Variants in NDRG4 observed in about 807,000 individuals in gnomAD.
The protein encoded by NDRG4 is NDRG family member 4.
A neutral mutation model predicts 55.8 loss-of-function variants in NDRG4; 38 were observed. The ratio of observed to expected loss-of-function variants is 0.68; its 90% CI spans 0.53 to 0.89. NDRG4 has a LOEUF of 0.89. NDRG4 is among the 40% of genes least tolerant of loss of function. The pLI, the probability that NDRG4 is intolerant of heterozygous loss-of-function variation, is 0.00. For missense variants in NDRG4, 455 were observed against 468.6 expected (o/e 0.97, Z 0.27); for synonymous variants, 190 against 182.7 (o/e 1.04, Z -0.32).
At chr16:58,491,066 C>G (rs1235656493) in intron 2 of NDRG4, among the ~76,000 whole-genome samples, 1 of 152,108 alleles carries the variant, frequency 6.6e-6, no homozygotes, top group Non-Finnish European at 1.5e-5. Flanking sequence ...CACTTGAGGT[C>G]AGGAGTTCGA....
chr16:58,464,329 T>C lies in NDRG4; in HGVS notation c.-24+532T>C. Reference sequence around the variant, plus strand: ...GCTCCTGCCGCTTCGCTCCGCGCTCTCCTGCCGCTCCGCTCCGGGTCTCCC... The same window carrying C: ...GCTCCTGCCGCTTCGCTCCGCGCTCCCCTGCCGCTCCGCTCCGGGTCTCCC... On this transcript the variant is annotated intron_variant, in intron 1 of 15. Transcript: ENST00000258187. This position sits in a 1 kb window ranked among gnomAD's most constrained non-coding sequence, Gnocchi z 4.8. 9.2e-7 allele frequency: 1 copy of C among 1,084,448 alleles called. No individual in the cohort carries two copies. 67.2% of individuals were successfully genotyped at this position (1,084,448 alleles called of 1,614,324 possible). A position where few individuals can be genotyped will look rare whatever the true frequency, so the allele number is the denominator to read the frequency against.
At chr16:58,506,877 C>T (rs748235783) in intron 7 of NDRG4, 35 bp from the exon 8 acceptor site, 4 of 1,581,006 alleles carry the variant, frequency 2.5e-6, no homozygotes, top group Middle Eastern at 1.7e-4. Flanking sequence ...TCTGTCTGCC[C>T]CTCTGCATGC....
chr16:58,513,118 ATTT>A lies in NDRG4; in HGVS notation c.*1544_*1546del, dbSNP rs747304829. On this transcript the variant is annotated 3_prime_UTR_variant, in exon 15 of 15. Coordinates refer to ENST00000570248, the MANE Select transcript of NDRG4 (RefSeq NM_001242835.2). ...TGTAGATAACACTGCAAATCTTGGAATTTTGTTTTTTGCTGTTTCCAGATGTAT... is the reference window on the plus strand; with the variant it reads ...TGTAGATAACACTGCAAATCTTGGAATGTTTTTTGCTGTTTCCAGATGTAT... 6 of 151,778 alleles carry A rather than the reference ATTT, an allele frequency of 4.0e-5. No individual in the cohort carries two copies. The highest frequency in any genetic ancestry group is 7.4e-5 in the Non-Finnish European group (5 of 67,956). 9.4% of individuals were successfully genotyped at this position (151,778 alleles called of 1,614,324 possible).
intron 1 of NDRG4, among the ~76,000 whole-genome samples, chr16:58,468,279 T>G (rs1409151196): frequency 6.6e-6 from 1 of 152,140 alleles, no homozygotes; most frequent in Non-Finnish European, 1.5e-5. Context: ...CTCAGCGGGG[T>G]CTTGCTGCAA....
rs1424556650 is a variant in NDRG4 at position 58,507,813 on chromosome 16, G to A, written c.626G>A (p.Arg209Lys). ...CCCCTCCCCCTGCCCCACAGCCGCA[G>A]AGACCTGGACATTAACCGGCCTGGA... is the stretch of plus-strand genomic sequence containing the variant. ...QLFWNMYNSR[R>K]DLDINRPGTV... Residue 209 changes from arginine to lysine, a missense_variant, in exon 9 of 15, where the codon AGA becomes AAA. Coordinates refer to ENST00000570248, the MANE Select transcript of NDRG4 (RefSeq NM_001242835.2). 6.2e-7 allele frequency: 1 copy of A among 1,613,738 alleles called. No homozygotes were observed. Among genetic ancestry groups the A allele is most frequent in the Non-Finnish European group, 8.5e-7 (1 of 1,179,966 alleles).
In NDRG4 at chr16:58,505,713, C is replaced by CTTTTTTTTTTTTTTTTTTTT. The variant is rs1028370131; in HGVS notation, c.373-667_373-648dup. Among the ~76,000 whole-genome samples the CTTTTTTTTTTTTTTTTTTTT allele has an allele frequency of 3.1e-4, 18 of 58,658 alleles. 2 individuals carry two copies. The highest frequency in any genetic ancestry group is 1.4e-3 in the African/African-American group (18 of 13,050). 38.5% of individuals were successfully genotyped at this position (58,658 alleles called of 152,430 possible). A position where few individuals can be genotyped will look rare whatever the true frequency, so the allele number is the denominator to read the frequency against. On this transcript the variant is annotated intron_variant, in intron 5 of 14. Coordinates refer to ENST00000570248, the MANE Select transcript of NDRG4 (RefSeq NM_001242835.2). Reference sequence around the variant, plus strand: ...ATTTATATCATGAGGGCTTCATTTTCTTTTTTTTTTTTTTTTTTTTTTTTT... The same window carrying CTTTTTTTTTTTTTTTTTTTT: ...ATTTATATCATGAGGGCTTCATTTTCTTTTTTTTTTTTTTTTTTTTTTTTTTTTTTTTTTTTTTTTTTTTT...
At chr16:58,498,503 G>A (rs954347190), upstream of NDRG4, among the ~76,000 whole-genome samples, 2 of 152,230 alleles carry the variant, frequency 1.3e-5, no homozygotes, top group Non-Finnish European at 2.9e-5. Flanking sequence ...CAGCATGCAG[G>A]GCCATCAGCA....
At chr16:58,466,279 G>C (rs2031663908) in intron 1 of NDRG4, among the ~76,000 whole-genome samples, 1 of 152,210 alleles carries the variant, frequency 6.6e-6, no homozygotes, top group African/African-American at 2.4e-5. Flanking sequence ...GCCTCCTAAA[G>C]TGCTGGGATT....
At chr16:58,511,064 G>A (rs932842647) in intron 14 of NDRG4, 4 of 470,484 alleles carry the variant, frequency 8.5e-6, no homozygotes, top group Non-Finnish European at 1.5e-5. Context: ...TAGGGAATTA[G>A]GGCACAGTCT....
chr16:58,500,482 A>T, intron 1 of NDRG4: 3 of 366,378 alleles, frequency 8.2e-6, no homozygotes, highest in East Asian at 8.7e-5. Flanking sequence ...TGCTAGTCAG[A>T]GCCCATAGCA....
intron 1 of NDRG4, among the ~76,000 whole-genome samples, chr16:58,470,380 G>A (rs1291745863): frequency 6.6e-6 from 1 of 152,200 alleles, no homozygotes; most frequent in East Asian, 1.9e-4. Context: ...TGAAGTCTAA[G>A]GAGGAGGAAC....
chr16:58,512,096 G>A lies in NDRG4; in HGVS notation c.*520G>A, dbSNP rs2038873858. 2 of 456,640 alleles carry A rather than the reference G, an allele frequency of 4.4e-6. No individual in the cohort carries two copies. The highest frequency in any genetic ancestry group is 8.8e-6 in the Non-Finnish European group (2 of 227,000). The allele number at this position is 456,640 out of a possible 1,614,324, so 28.3% of individuals were successfully genotyped here. On this transcript the variant is annotated 3_prime_UTR_variant, in exon 15 of 15. Coordinates refer to ENST00000570248, the MANE Select transcript of NDRG4 (RefSeq NM_001242835.2). ...CAGCCACAAGGGGGCGCTCGGACCAGGCAGCCACTTTCCTGGTGCTCTCTG... is the reference window on the plus strand; with the variant it reads ...CAGCCACAAGGGGGCGCTCGGACCAAGCAGCCACTTTCCTGGTGCTCTCTG...
chr16:58,486,896 C>G (rs1298443283), intron 1 of NDRG4, among the ~76,000 whole-genome samples: 2 of 152,126 alleles, frequency 1.3e-5, no homozygotes, highest in Non-Finnish European at 2.9e-5. Flanking sequence ...GACCTGCACC[C>G]CCTCTTTCAA....
At chr16:58,490,789 C>T (rs2035691356) in intron 2 of NDRG4, among the ~76,000 whole-genome samples, 1 of 152,120 alleles carries the variant, frequency 6.6e-6, no homozygotes, top group Non-Finnish European at 1.5e-5. Context: ...CCAGCCTGGC[C>T]AACATGGCGA....
rs1018114869 is a variant in NDRG4, at chr16:58,513,166, ATATGTGTG to A, written c.*1592_*1599del. On this transcript the variant is annotated 3_prime_UTR_variant, in exon 15 of 15. Transcript: ENST00000570248. ...ATGTATCTATAAATATCTATACATT[ATATGTGTG>A]TGTGTGTGTGTGTGTGTGTGTGTAC... 1.6e-3 allele frequency: 77 copies of A among 47,314 alleles called. No homozygotes were observed. Among genetic ancestry groups the A allele is most frequent in the African/African-American group, 8.1e-3 (77 of 9,550 alleles). The allele number at this position is 47,314 out of a possible 1,614,324, so 2.9% of individuals were successfully genotyped here.
chr16:58,503,690 AG>A, intron 1 of NDRG4, 107 bp from the exon 2 acceptor site: 1 of 1,556,192 alleles, frequency 6.4e-7, no homozygotes, highest in Non-Finnish European at 8.7e-7. Context: ...TGCCCCAAGT[AG>A]GGGCTCTACC....
intron 1 of NDRG4, among the ~76,000 whole-genome samples, chr16:58,481,384 C>T (rs868185494): frequency 1.7e-4 from 26 of 152,098 alleles, no homozygotes; most frequent in African/African-American, 6.3e-4. Flanking sequence ...TGAGTCAGCC[C>T]GGGTCTTTAG....
At chr16:58,501,838 C>G (rs1409172371) in intron 1 of NDRG4, 1 of 379,078 alleles carries the variant, frequency 2.6e-6, no homozygotes, top group East Asian at 7.5e-5. Flanking sequence ...AGAGCAGACA[C>G]CCCTCACACC....
At chr16:58,468,484 G>A (rs931114686) in intron 1 of NDRG4, among the ~76,000 whole-genome samples, 1 of 152,212 alleles carries the variant, frequency 6.6e-6, no homozygotes, top group East Asian at 1.9e-4. Flanking sequence ...ACTTTGGGAG[G>A]CCCAGATGGG....
Sources: allele counts gnomAD v4.1 joint callset (sites outside exome capture counted in the v4.1 genomes callset), GRCh38; gene constraint gnomAD v4.1.1; non-coding constraint Gnocchi (gnomAD v3.1); transcripts MANE v1.5; gene names NCBI Gene and HGNC (gene_info 2026-07-23, HGNC 2026-07-21).